Variants in CEP164 observed in about 807,000 individuals in gnomAD.
CEP164 encodes the protein centrosomal protein 164.
Under a neutral mutation model 182.7 loss-of-function variants are expected in CEP164, and 162 were observed. That is an observed-to-expected ratio of 0.89 (90% CI 0.78 to 1.01). The LOEUF is 1.01. Among genes scored for constraint, CEP164 ranks in the 50% least tolerant of loss-of-function variants. CEP164 has a pLI of 0.00. For missense variants in CEP164, 1,735 were observed against 1,790.4 expected (o/e 0.97, Z 0.56); for synonymous variants, 661 against 690.0 (o/e 0.96, Z 0.66).
At chr11:117,354,974 C>G (rs947271958) in intron 5 of CEP164, 2 of 1,289,410 alleles carry the variant, frequency 1.6e-6, no homozygotes, top group Non-Finnish European at 2.0e-6. Context: ...TTCATCCTTT[C>G]TCTGCAGCTT....
chr11:117,388,325 C>T (rs2044185297), intron 15 of CEP164, among the ~76,000 whole-genome samples: 1 of 152,240 alleles, frequency 6.6e-6, no homozygotes, highest in Admixed American at 6.5e-5. Context: ...TGGCCTGGAA[C>T]ATAGCAGTTG....
intron 1 of CEP164, among the ~76,000 whole-genome samples, chr11:117,331,981 A>AATATATATATATATATAT (rs56696952): frequency 1.5e-4 from 22 of 142,282 alleles, no homozygotes; most frequent in Admixed American, 1.4e-3. Flanking sequence ...ATGCCTGGCT[A>AATATATATATATATATAT]ATATATATAT....
Position 117,390,901 on chromosome 11 carries a change from C to G in CEP164, c.2059C>G (p.Gln687Glu). The G allele has an allele frequency of 1.2e-6, 2 of 1,613,778 alleles. No homozygotes were observed. Among genetic ancestry groups the G allele is most frequent in the East Asian group, 2.2e-5 (1 of 44,770 alleles). Residue 687 changes from glutamine (Q) to glutamate (E), a missense_variant, in exon 16 of 33, where the codon CAA becomes GAA. Physicochemically the swap from Gln to Glu is conservative, Grantham distance 29. Coordinates refer to ENST00000278935, the MANE Select transcript of CEP164 (RefSeq NM_014956.5). ...GTCCAGCACACAAGCAGATGAGGAC[C>G]AAATCAGGTAAGTGTGTGCTTACCT... is the stretch of plus-strand genomic sequence containing the variant. Reference protein sequence around the residue: ...VQSSTQADEDQIRAEQEASLQ... With the variant: ...VQSSTQADEDEIRAEQEASLQ...
intron 5 of CEP164, among the ~76,000 whole-genome samples, chr11:117,353,735 G>A (rs1197453794): frequency 6.6e-6 from 1 of 152,206 alleles, no homozygotes; most frequent in Non-Finnish European, 1.5e-5. Context: ...CTGGATGCAA[G>A]TGGTTTGGAC....
chr11:117,388,679 G>A (rs1383398681), intron 15 of CEP164, among the ~76,000 whole-genome samples: 8 of 152,144 alleles, frequency 5.3e-5, no homozygotes, highest in Non-Finnish European at 8.8e-5. Flanking sequence ...CTAACACTGT[G>A]TTGCTGTGTG....
At chr11:117,407,253 G>A (rs988038411) in intron 27 of CEP164, among the ~76,000 whole-genome samples, 1 of 151,976 alleles carries the variant, frequency 6.6e-6, no homozygotes, top group Non-Finnish European at 1.5e-5. Flanking sequence ...TGCTGCCCAC[G>A]ACCCTGTCAT....
At chr11:117,370,238 G>A (rs2042067366) in intron 8 of CEP164, among the ~76,000 whole-genome samples, 2 of 152,232 alleles carry the variant, frequency 1.3e-5, no homozygotes, top group Non-Finnish European at 2.9e-5. Context: ...TGAGGATGCT[G>A]TCTCCGAGGC....
chr11:117,359,408 C>T, intron 5 of CEP164: 11 of 985,436 alleles, frequency 1.1e-5, no homozygotes, highest in Non-Finnish European at 1.3e-5. Flanking sequence ...TCGTTTTCTC[C>T]TTCACAAACA....
Position 117,390,771 on chromosome 11 carries a change from T to A in CEP164, c.1935-6T>A. Reference sequence around the variant, plus strand: ...CTGACAACCTAGCCTTTCCTTTCCATCTCAGTTCCTTGAGGGAGCGGCTGC... The same window carrying A: ...CTGACAACCTAGCCTTTCCTTTCCAACTCAGTTCCTTGAGGGAGCGGCTGC... On this transcript the variant is annotated splice_region_variant and splice_polypyrimidine_tract_variant and intron_variant, in intron 15 of 32. Transcript: ENST00000278935. The A allele has an allele frequency of 1.2e-6, 2 of 1,613,902 alleles. No homozygotes were observed. The highest frequency in any genetic ancestry group is 1.7e-6 in the Non-Finnish European group (2 of 1,179,964).
chr11:117,363,405 A>C, intron 7 of CEP164, 24 bp from the exon 8 acceptor site: 1 of 1,583,648 alleles, frequency 6.3e-7, no homozygotes, highest in Non-Finnish European at 8.7e-7. Flanking sequence ...CAGAGTTACC[A>C]CTTGTCATCA....
At chr11:117,375,448 A>T (rs1212601165) in intron 10 of CEP164, among the ~76,000 whole-genome samples, 1 of 152,212 alleles carries the variant, frequency 6.6e-6, no homozygotes, top group African/African-American at 2.4e-5. Context: ...TGGAACAATT[A>T]AAAAAATTGT....
chr11:117,370,023 G>C (rs2042043853), intron 8 of CEP164, among the ~76,000 whole-genome samples: 1 of 152,226 alleles, frequency 6.6e-6, no homozygotes, highest in African/African-American at 2.4e-5. Context: ...TGAAAGCAGA[G>C]CCATTTCTGC....
chr11:117,350,018 C>T (rs1490002981), intron 4 of CEP164, among the ~76,000 whole-genome samples: 5 of 152,094 alleles, frequency 3.3e-5, no homozygotes, highest in Non-Finnish European at 7.3e-5. Flanking sequence ...CGTGATCTGC[C>T]TGCCTTGGCC....
intron 14 of CEP164, chr11:117,384,807 T>G (rs1592309806): frequency 6.6e-6 from 1 of 152,356 alleles, no homozygotes; most frequent in East Asian, 1.9e-4. Flanking sequence ...TTTGTGGGAG[T>G]AGCTCTGTGT....
chr11:117,357,411 A>G (rs1469803129), intron 5 of CEP164, among the ~76,000 whole-genome samples: 1 of 141,386 alleles, frequency 7.1e-6, no homozygotes, highest in Non-Finnish European at 1.5e-5. Flanking sequence ...ACCTGATTAG[A>G]GAGTTAATAT....
intron 4 of CEP164, among the ~76,000 whole-genome samples, chr11:117,346,604 C>T (rs2038936108): frequency 6.6e-6 from 1 of 151,552 alleles, no homozygotes; most frequent in South Asian, 2.1e-4. Context: ...TGGCTCACAC[C>T]TGTAATCCCA....
At position 117,411,589 on chromosome 11, in the gene CEP164, G is replaced by A; in HGVS notation, c.4164-206G>A. The A allele has an allele frequency of 3.4e-6, 2 of 590,148 alleles. No homozygotes were observed. Among genetic ancestry groups the A allele is most frequent in the Middle Eastern group, 1.0e-3 (2 of 1,990 alleles). 36.6% of individuals were successfully genotyped at this position (590,148 alleles called of 1,614,324 possible). A position where few individuals can be genotyped will look rare whatever the true frequency, so the allele number is the denominator to read the frequency against. ...TGTATCAGTAGCACCCAGCAAGGGG[G>A]CAGAGGGCCTCCACCACTTTCCCGT... On this transcript the variant is annotated intron_variant, in intron 31 of 32. Coordinates refer to ENST00000278935, the MANE Select transcript of CEP164 (RefSeq NM_014956.5). The surrounding 1 kb of genome is among the most constrained non-coding windows in gnomAD (Gnocchi z 4.4).
rs568920142 is a variant in CEP164 at position 117,347,707 on chromosome 11, T to C, written c.194+3430T>C. On this transcript the variant is annotated intron_variant, in intron 4 of 32. Transcript: ENST00000278935. ...CCTGGGCAGCAAGAGCGAAACTCCA[T>C]CTCAAAAAAAAAAAAAAGAATAGCT... Among the ~76,000 whole-genome samples, 22 of 146,078 alleles carry C rather than the reference T, an allele frequency of 1.5e-4. No individual in the cohort carries two copies. In the South Asian group the frequency reaches 4.7e-3, roughly 31 times the overall value.
In CEP164 at chr11:117,412,913, T is replaced by G. The variant is rs1341831721; in HGVS notation, c.*745T>G. 6.6e-6 allele frequency: 1 copy of G among 152,062 alleles called. No homozygotes were observed. Among genetic ancestry groups the G allele is most frequent in the Non-Finnish European group, 1.5e-5 (1 of 67,994 alleles). 9.4% of individuals were successfully genotyped at this position (152,062 alleles called of 1,614,324 possible). On this transcript the variant is annotated 3_prime_UTR_variant, in exon 33 of 33. Transcript: ENST00000278935. The stretch of plus-strand genomic sequence containing the variant: ...GGAGTCTCAGGTCTCAAAAACAACT[T>G]CTCCAGGAGGCCAAAAAAAGACTGG...
Sources: allele counts gnomAD v4.1 joint callset (sites outside exome capture counted in the v4.1 genomes callset), GRCh38; gene constraint gnomAD v4.1.1; non-coding constraint Gnocchi (gnomAD v3.1); transcripts MANE v1.5; gene names NCBI Gene and HGNC (gene_info 2026-07-23, HGNC 2026-07-21).